Variants in IL17B observed in about 807,000 individuals in gnomAD.
IL17B encodes interleukin-17B.
A neutral mutation model predicts 14.7 loss-of-function variants in IL17B; 14 were observed. That is an observed-to-expected ratio of 0.95 (90% confidence interval 0.63 to 1.49). IL17B has a LOEUF of 1.49. Ranked by LOEUF, IL17B falls within the 40% of genes most tolerant of loss-of-function variation. The pLI is 0.00. For missense variants in IL17B, 233 were observed against 252.8 expected (o/e 0.92, Z 0.53); for synonymous variants, 105 against 94.8 (o/e 1.11, Z -0.62).
intron 1 of IL17B, among the ~76,000 whole-genome samples, chr5:149,386,248 TACTC>T (rs1424494453): frequency 1.3e-5 from 2 of 152,176 alleles, no homozygotes; most frequent in African/African-American, 2.4e-5. Flanking sequence ...AAGCATGTCT[TACTC>T]ACAGATGCGG....
In IL17B at chr5:149,387,682, G is replaced by A. The variant is rs556280656; in HGVS notation, n.96-10657C>T. 3.3e-4 allele frequency among the ~76,000 whole-genome samples: 49 copies of A among 150,018 alleles called. 1 individual carries two copies. In the South Asian group the frequency reaches 0.01, roughly 32 times the overall value. ...CCAGCTACTCAGGAGGCTGAGAGGC[G>A]AGAGGATCACTTGATCCCAATAGGT... On this transcript the variant is annotated intron_variant and non_coding_transcript_variant, in intron 1 of 2. Coordinates refer to the IL17B transcript ENST00000505432.
At chr5:149,381,536 T>C (rs941654356), upstream of IL17B, among the ~76,000 whole-genome samples, 5 of 152,210 alleles carry the variant, frequency 3.3e-5, no homozygotes, top group Non-Finnish European at 7.3e-5. Context: ...TACAAACAGC[T>C]CTGGGCCAGG....
At chr5:149,380,495 C>T (rs1477966588), upstream of IL17B, among the ~76,000 whole-genome samples, 1 of 152,184 alleles carries the variant, frequency 6.6e-6, no homozygotes, top group East Asian at 1.9e-4. Flanking sequence ...AGGTCTAGGC[C>T]TCCAAGATTC....
At chr5:149,387,897 G>A (rs959981961) in intron 1 of IL17B, among the ~76,000 whole-genome samples, 4 of 152,088 alleles carry the variant, frequency 2.6e-5, no homozygotes, top group Non-Finnish European at 5.9e-5. Flanking sequence ...AGGCCATACA[G>A]TGAGGAGAAA....
chr5:149,403,390 G>A (rs997447294), intron 1 of IL17B, among the ~76,000 whole-genome samples: 2 of 152,078 alleles, frequency 1.3e-5, no homozygotes, highest in African/African-American at 4.8e-5. Flanking sequence ...CTAGCCATGT[G>A]GGCAGCTTTC....
At chr5:149,378,196 G>A (rs1216324287) in intron 1 of IL17B, among the ~76,000 whole-genome samples, 2 of 152,126 alleles carry the variant, frequency 1.3e-5, no homozygotes, top group Admixed American at 6.5e-5. Flanking sequence ...ATTAAGAGTG[G>A]GTGGGAGGAA....
At chr5:149,384,676 G>A (rs1758783753) in intron 1 of IL17B, among the ~76,000 whole-genome samples, 1 of 152,170 alleles carries the variant, frequency 6.6e-6, no homozygotes, top group African/African-American at 2.4e-5. Context: ...GAATGGCCCT[G>A]CTATTATTTT....
rs932580756 is a variant in IL17B, at chr5:149,374,324, G to A, written c.*45C>T. 1.3e-6 allele frequency: 2 copies of A among 1,493,542 alleles called. No homozygotes were observed. The highest frequency in any genetic ancestry group is 1.8e-6 in the Non-Finnish European group (2 of 1,113,148). 92.5% of individuals were successfully genotyped at this position (1,493,542 alleles called of 1,614,324 possible). A position where few individuals can be genotyped will look rare whatever the true frequency, so the allele number is the denominator to read the frequency against. On this transcript the variant is annotated 3_prime_UTR_variant, in exon 3 of 3. Coordinates refer to ENST00000261796, the MANE Select transcript of IL17B (RefSeq NM_014443.3). This position sits in a 1 kb window ranked among gnomAD's most constrained non-coding sequence, Gnocchi z 5.0. ...GGCCTTTCTTGGCACAAAGGTGCAA[G>A]GAGGATGGTCTCGGGCTGCTGGCCT...
intron 2 of IL17B, among the ~76,000 whole-genome samples, chr5:149,376,351 A>G (rs555920884): frequency 1.3e-5 from 2 of 152,362 alleles, no homozygotes; most frequent in East Asian, 3.9e-4. Flanking sequence ...CAGGTCCAGC[A>G]TAAGAGACAG....
intron 1 of IL17B, among the ~76,000 whole-genome samples, chr5:149,403,153 C>T (rs112603425): frequency 0.3 from 45,330 of 151,684 alleles, 7,605 homozygotes; most frequent in Non-Finnish European, 0.38. Flanking sequence ...GATGCAATCT[C>T]GGCTTACTGT....
chr5:149,392,677 G>A (rs145498967), intron 1 of IL17B, among the ~76,000 whole-genome samples: 1 of 152,202 alleles, frequency 6.6e-6, no homozygotes, highest in East Asian at 1.9e-4. Flanking sequence ...AACACCCTTT[G>A]TACCTCTGTG....
intron 1 of IL17B, among the ~76,000 whole-genome samples, chr5:149,390,088 G>A (rs1349327387): frequency 6.6e-6 from 1 of 152,122 alleles, no homozygotes; most frequent in Admixed American, 6.5e-5. Context: ...TAACGTCTCT[G>A]GTGCCATAAC....
At chr5:149,388,694 C>G (rs908646136) in intron 1 of IL17B, among the ~76,000 whole-genome samples, 10 of 152,176 alleles carry the variant, frequency 6.6e-5, no homozygotes, top group Admixed American at 2.0e-4. Context: ...TGTCCTTATC[C>G]CTATGCTACA....
chr5:149,385,944 G>A (rs1038212915), intron 1 of IL17B, among the ~76,000 whole-genome samples: 8 of 152,238 alleles, frequency 5.3e-5, no homozygotes, highest in South Asian at 2.1e-4. Context: ...CAGCAGCTGC[G>A]TAGGGAGAGG....
At position 149,374,786 on chromosome 5, in the gene IL17B, A is replaced by G. The variant is rs542511524; in HGVS notation, c.312-186T>C. On this transcript the variant is annotated intron_variant, in intron 2 of 2. Transcript: ENST00000261796. The surrounding 1 kb of genome is among the most constrained non-coding windows in gnomAD (Gnocchi z 5.0). Reference sequence around the variant, plus strand: ...GAGGAAACTGAAGATCATGGAAGGCAAGTCGAGAGCCCCAAGGTTATCCAG... The same window carrying G: ...GAGGAAACTGAAGATCATGGAAGGCGAGTCGAGAGCCCCAAGGTTATCCAG... The G allele has an allele frequency of 1.7e-6, 1 of 571,826 alleles. No homozygotes were observed. The highest frequency in any genetic ancestry group is 2.8e-5 in the East Asian group (1 of 35,564). The allele number at this position is 571,826 out of a possible 1,614,324, so 35.4% of individuals were successfully genotyped here. A position where few individuals can be genotyped will look rare whatever the true frequency, so the allele number is the denominator to read the frequency against.
chr5:149,394,303 C>G (rs1332368936), intron 1 of IL17B, among the ~76,000 whole-genome samples: 2 of 152,280 alleles, frequency 1.3e-5, no homozygotes, highest in South Asian at 2.1e-4. Context: ...TCTGAAATAC[C>G]ATGACAGACA....
chr5:149,378,930 A>C (rs537179100), intron 1 of IL17B, among the ~76,000 whole-genome samples: 1 of 151,406 alleles, frequency 6.6e-6, no homozygotes, highest in African/African-American at 2.4e-5. Context: ...CTTTGGAAAA[A>C]CCCCGATAAC....
chr5:149,379,367 A>T, upstream of IL17B: 5 of 943,278 alleles, frequency 5.3e-6, no homozygotes, highest in Non-Finnish European at 8.1e-6. Flanking sequence ...TGGGCTCGTC[A>T]TCAGCTGGGA....
chr5:149,386,616 C>T lies in IL17B; in HGVS notation n.96-9591G>A, dbSNP rs532801327. Among the ~76,000 whole-genome samples the T allele has an allele frequency of 9.5e-4, 145 of 152,284 alleles. No individual in the cohort carries two copies. The Middle Eastern group carries it at 0.01, about 11-fold the overall frequency. On this transcript the variant is annotated intron_variant and non_coding_transcript_variant, in intron 1 of 2. Transcript: ENST00000505432. ...GACCTTCAAGGAATTAGCCTATGGA[C>T]GATGAAGGACCTTTGAGAGTTATTG...
Sources: gnomAD v4.1 joint callset for allele counts (sites outside exome capture counted in the v4.1 genomes callset) on GRCh38, gnomAD v4.1.1 for gene constraint, Gnocchi (gnomAD v3.1) non-coding constraint, MANE v1.5 for transcripts, NCBI Gene and HGNC (gene_info 2026-07-23, HGNC 2026-07-21) for gene names.